Variants in RBFOX1 observed in about 807,000 individuals in gnomAD.
The protein encoded by RBFOX1 is RNA binding protein fox-1 homolog 1.
RBFOX1 carries 8 observed loss-of-function variants against 57.7 expected under a neutral mutation model. The ratio of observed to expected loss-of-function variants is 0.14; its 90% CI spans 0.08 to 0.25. The LOEUF (loss-of-function observed/expected upper bound fraction) is 0.25. Ranked by LOEUF, RBFOX1 falls within the 10% of genes least tolerant of loss-of-function variation. RBFOX1 has a pLI of 1.00. For missense variants in RBFOX1, 611 were observed against 548.5 expected, an observed-to-expected ratio of 1.11 and a Z score of -1.14; for synonymous variants, 326 against 222.4, an observed-to-expected ratio of 1.47 and a Z score of -4.15.
chr16:6,430,135 C>G (rs926196911), intron 2 of RBFOX1, among the ~76,000 whole-genome samples: 4 of 147,920 alleles, frequency 2.7e-5, no homozygotes, highest in African/African-American at 1.0e-4. Flanking sequence ...AACAGAAAAA[C>G]AAACAGAAAA....
intron 3 of RBFOX1, among the ~76,000 whole-genome samples, chr16:5,661,270 A>C (rs2049638695): frequency 6.6e-6 from 1 of 152,244 alleles, no homozygotes; most frequent in African/African-American, 2.4e-5. Flanking sequence ...CATACGCTAT[A>C]TACTTACCAT....
At chr16:7,373,250 A>C (rs1251523618) in intron 4 of RBFOX1, among the ~76,000 whole-genome samples, 1 of 152,080 alleles carries the variant, frequency 6.6e-6, no homozygotes, top group Non-Finnish European at 1.5e-5. Flanking sequence ...CATTACTTTT[A>C]ATTCTAAAAC....
At chr16:6,797,430 G>A (rs2084340735) in intron 3 of RBFOX1, among the ~76,000 whole-genome samples, 2 of 152,098 alleles carry the variant, frequency 1.3e-5, no homozygotes, top group South Asian at 4.1e-4. Flanking sequence ...GAGTTGCTTT[G>A]TTGCGCAATA....
chr16:7,302,065 A>C (rs2096048399), intron 4 of RBFOX1, among the ~76,000 whole-genome samples: 1 of 152,158 alleles, frequency 6.6e-6, no homozygotes, highest in Non-Finnish European at 1.5e-5. Context: ...CCCCAATAAA[A>C]GCAGTACAGA....
chr16:7,387,844 A>G (rs528824060), intron 4 of RBFOX1, among the ~76,000 whole-genome samples: 4 of 152,046 alleles, frequency 2.6e-5, no homozygotes, highest in South Asian at 4.2e-4. Context: ...CGTCTCTGGA[A>G]TTCTTTGATT....
At chr16:5,823,138 A>G (rs1267457410) in intron 3 of RBFOX1, among the ~76,000 whole-genome samples, 4 of 152,142 alleles carry the variant, frequency 2.6e-5, no homozygotes, top group Admixed American at 2.6e-4. Flanking sequence ...CCTTACCCTG[A>G]GGATCCTGGA....
chr16:7,063,800 G>A (rs923240318), intron 4 of RBFOX1, among the ~76,000 whole-genome samples: 1 of 152,200 alleles, frequency 6.6e-6, no homozygotes, highest in Admixed American at 6.5e-5. Flanking sequence ...TGCTTACATA[G>A]CATTCGCATT....
intron 1 of RBFOX1, among the ~76,000 whole-genome samples, chr16:6,163,600 C>G (rs2096895003): frequency 6.6e-6 from 1 of 152,060 alleles, no homozygotes; most frequent in Admixed American, 6.6e-5. Flanking sequence ...GTTCTGTAAG[C>G]CTGAGAAGTC....
intron 4 of RBFOX1, among the ~76,000 whole-genome samples, chr16:7,477,714 A>T (rs1262438993): frequency 6.6e-6 from 1 of 152,126 alleles, no homozygotes; most frequent in Non-Finnish European, 1.5e-5. Context: ...CTAGCCTCAG[A>T]CTTCAAGGTG....
intron 1 of RBFOX1, among the ~76,000 whole-genome samples, chr16:6,069,398 CAAAA>C (rs34337622): frequency 0.022 from 2,478 of 113,926 alleles, 75 homozygotes; most frequent in African/African-American, 0.079. Context: ...AACTCTGCCT[CAAAA>C]AAAAAAAAAA....
At chr16:6,341,480 T>TTTAA (rs1322275174) in intron 2 of RBFOX1, among the ~76,000 whole-genome samples, 1 of 152,194 alleles carries the variant, frequency 6.6e-6, no homozygotes, top group Admixed American at 6.5e-5. Context: ...ATTAATAATG[T>TTTAA]TTACTAAACA....
intron 4 of RBFOX1, among the ~76,000 whole-genome samples, chr16:7,339,749 T>C (rs1043576256): frequency 3.9e-5 from 6 of 152,166 alleles, no homozygotes; most frequent in Admixed American, 3.9e-4. Context: ...CAGAAAGATA[T>C]TTGTTAAGAA....
intron 3 of RBFOX1, among the ~76,000 whole-genome samples, chr16:5,852,487 C>G (rs1438266012): frequency 6.6e-6 from 1 of 152,292 alleles, no homozygotes; most frequent in East Asian, 1.9e-4. Flanking sequence ...ACTTTTATAC[C>G]ATCGTCTCAG....
intron 15 of RBFOX1, chr16:7,709,501 G>C (rs1167292605): frequency 1.3e-6 from 2 of 1,513,254 alleles, no homozygotes; most frequent in East Asian, 2.5e-5. Flanking sequence ...TAGCCCCAAG[G>C]TTCCAGCCCC....
At chr16:5,850,435 T>C (rs2056866714) in intron 3 of RBFOX1, among the ~76,000 whole-genome samples, 1 of 152,198 alleles carries the variant, frequency 6.6e-6, no homozygotes, top group South Asian at 2.1e-4. Flanking sequence ...AAATAAAATA[T>C]TAAGCACTAG....
intron 1 of RBFOX1, among the ~76,000 whole-genome samples, chr16:5,414,888 G>C (rs931558229): frequency 6.6e-6 from 1 of 152,194 alleles, no homozygotes; most frequent in African/African-American, 2.4e-5. Flanking sequence ...GAGATCCTAA[G>C]CTTCATCCAA....
At chr16:5,681,926 C>A (rs1014432335) in intron 3 of RBFOX1, among the ~76,000 whole-genome samples, 1 of 152,018 alleles carries the variant, frequency 6.6e-6, no homozygotes, top group East Asian at 1.9e-4. Flanking sequence ...ATCTTGAAGA[C>A]CATTGTAAGC....
At chr16:7,630,277 T>G (rs1461566059) in intron 10 of RBFOX1, among the ~76,000 whole-genome samples, 1 of 152,028 alleles carries the variant, frequency 6.6e-6, no homozygotes, top group Non-Finnish European at 1.5e-5. Flanking sequence ...TCTAGCTCCC[T>G]CCAATATTTC....
rs1568438754 is a variant in RBFOX1, at chr16:7,029,057, T to TATATATATATATAC, written c.-15-22987_-15-22986insCATATATATATATA. Among the ~76,000 whole-genome samples the TATATATATATATAC allele has an allele frequency of 1.5e-3, 33 of 21,576 alleles. 2 individuals are homozygous for TATATATATATATAC. The highest frequency in any genetic ancestry group is 5.7e-3 in the Admixed American group (9 of 1,586). The allele number at this position is 21,576 out of a possible 152,430, so 14.2% of individuals were successfully genotyped here. ...CAGAAAAAAAAAAGCTATATATATA[T>TATATATATATATAC]ATATATATATATATATATATATATA... is the stretch of plus-strand genomic sequence containing the variant. On this transcript the variant is annotated intron_variant, in intron 3 of 15. Coordinates refer to ENST00000550418, the MANE Select transcript of RBFOX1 (RefSeq NM_018723.4).
Sources: allele counts gnomAD v4.1 joint callset (sites outside exome capture counted in the v4.1 genomes callset), GRCh38; gene constraint gnomAD v4.1.1; transcripts MANE v1.5; gene names NCBI Gene and HGNC (gene_info 2026-07-23, HGNC 2026-07-21).